LNX1: variants seen among roughly 807,000 people sequenced by gnomAD.
The protein encoded by LNX1 is ligand of numb-protein X 1.
LNX1 carries 54 observed loss-of-function variants against 68.4 expected under a neutral mutation model. The ratio of observed to expected loss-of-function variants is 0.79; its 90% CI spans 0.63 to 0.99. The LOEUF (loss-of-function observed/expected upper bound fraction) is 0.99. Among genes scored for constraint, LNX1 ranks in the 50% least tolerant of loss-of-function variants. LNX1 has a pLI of 0.00. For missense variants in LNX1, 906 were observed against 926.4 expected (o/e 0.98, Z 0.29); for synonymous variants, 336 against 350.0 (o/e 0.96, Z 0.45).
chr4:53,541,256 C>A (rs1364821832), intron 2 of LNX1, among the ~76,000 whole-genome samples: 3 of 152,094 alleles, frequency 2.0e-5, no homozygotes, highest in East Asian at 3.9e-4. Context: ...AGTTAGGATA[C>A]CATTAGCAAC....
intron 9 of LNX1, among the ~76,000 whole-genome samples, chr4:53,461,994 A>G (rs1722171786): frequency 6.6e-6 from 1 of 152,070 alleles, no homozygotes; most frequent in Non-Finnish European, 1.5e-5. Context: ...AATGAGGGCA[A>G]AAATCCTTTG....
intron 2 of LNX1, among the ~76,000 whole-genome samples, chr4:53,608,602 C>G (rs1363502752): frequency 1.3e-5 from 2 of 152,098 alleles, no homozygotes; most frequent in African/African-American, 4.8e-5. Context: ...CCCAACAATC[C>G]CATTTTTGGG....
upstream of LNX1, among the ~76,000 whole-genome samples, chr4:53,596,375 C>T (rs954762038): frequency 3.3e-5 from 5 of 152,128 alleles, no homozygotes; most frequent in African/African-American, 1.2e-4. Flanking sequence ...GGGAAATTAG[C>T]ATTAAATCAA....
intron 1 of LNX1, among the ~76,000 whole-genome samples, chr4:53,642,129 G>C (rs1734709660): frequency 6.6e-6 from 1 of 151,518 alleles, no homozygotes; most frequent in Admixed American, 6.6e-5. Flanking sequence ...GGCTAAGATG[G>C]GAGGATTGCT....
chr4:53,609,366 G>C, intron 2 of LNX1, among the ~76,000 whole-genome samples: 1 of 151,134 alleles, frequency 6.6e-6, no homozygotes, highest in Non-Finnish European at 1.5e-5. Context: ...TAATTAAAAA[G>C]AAAATAGTAC....
intron 2 of LNX1, among the ~76,000 whole-genome samples, chr4:53,570,386 C>T (rs371644657): frequency 6.8e-6 from 1 of 147,956 alleles, no homozygotes; most frequent in African/African-American, 2.5e-5. Flanking sequence ...AAATTGGAAA[C>T]CATCATTCTC....
At chr4:53,564,526 C>G (rs1730509685) in intron 2 of LNX1, among the ~76,000 whole-genome samples, 1 of 152,176 alleles carries the variant, frequency 6.6e-6, no homozygotes, top group Admixed American at 6.5e-5. Context: ...CTGGGGTGGG[C>G]AGAATAATTA....
chr4:53,543,779 G>A (rs1162514391), intron 2 of LNX1, among the ~76,000 whole-genome samples: 1 of 152,074 alleles, frequency 6.6e-6, no homozygotes, highest in East Asian at 1.9e-4. Context: ...ATTCAACCCT[G>A]TCAACCATGC....
chr4:53,573,449 A>G (rs1399125615), intron 2 of LNX1, among the ~76,000 whole-genome samples, 174 bp downstream of exon 2: 1 of 152,210 alleles, frequency 6.6e-6, no homozygotes, highest in Non-Finnish European at 1.5e-5. Flanking sequence ...CATACAACAC[A>G]ACTCCACCAA....
intron 2 of LNX1, among the ~76,000 whole-genome samples, chr4:53,536,577 C>G (rs1728388118): frequency 6.6e-6 from 1 of 152,150 alleles, no homozygotes; most frequent in Non-Finnish European, 1.5e-5. Flanking sequence ...AGCTCTGGAC[C>G]AGATCTCAGG....
At chr4:53,559,792 T>C (rs1357755032) in intron 2 of LNX1, among the ~76,000 whole-genome samples, 1 of 149,274 alleles carries the variant, frequency 6.7e-6, no homozygotes, top group Non-Finnish European at 1.5e-5. Context: ...GGACTACAGG[T>C]GCGTGCCGCC....
At chr4:53,524,510 A>G (rs1177846421) in intron 2 of LNX1, among the ~76,000 whole-genome samples, 1 of 152,250 alleles carries the variant, frequency 6.6e-6, no homozygotes. Context: ...TCACGCAGCA[A>G]GAAGGCCCAG....
At chr4:53,649,412 A>G (rs1000584154) in intron 1 of LNX1, among the ~76,000 whole-genome samples, 5 of 152,226 alleles carry the variant, frequency 3.3e-5, no homozygotes, top group Non-Finnish European at 7.3e-5. Context: ...CTTGCAGAAG[A>G]TTCAACAGCT....
At chr4:53,540,366 G>A (rs187838593) in intron 2 of LNX1, among the ~76,000 whole-genome samples, 1 of 148,192 alleles carries the variant, frequency 6.7e-6, no homozygotes, top group African/African-American at 2.5e-5. Flanking sequence ...CTGAGTGAGA[G>A]TGAGACCCTG....
chr4:53,624,659 C>T (rs976465556), intron 1 of LNX1, among the ~76,000 whole-genome samples: 4 of 152,190 alleles, frequency 2.6e-5, no homozygotes, highest in African/African-American at 9.6e-5. Flanking sequence ...AAATTATGCT[C>T]TCCTAGGGTT....
At chr4:53,580,536 GT>G (rs1731767406) in intron 1 of LNX1, among the ~76,000 whole-genome samples, 1 of 152,198 alleles carries the variant, frequency 6.6e-6, no homozygotes, top group African/African-American at 2.4e-5. Context: ...TGTTACTGGA[GT>G]GGGTAGAGGA....
Position 53,478,724 on chromosome 4 carries a change from T to G in LNX1, c.1504A>C (p.Thr502Pro). The stretch of plus-strand genomic sequence containing the variant: ...ATATTTACCACCTTCTCATGACAAG[T>G]AATTGTAGGATGGAGGGGCTGAAGG... Reference protein sequence around the residue: ...NTPKPLHPTITCHEKVVNIQK... With the variant: ...NTPKPLHPTIPCHEKVVNIQK... The change falls in exon 8 of 11, where the codon ACT (threonine) becomes CCT (proline). Residue 502 changes from threonine (T) to proline (P), a missense_variant. Coordinates refer to ENST00000263925, the MANE Select transcript of LNX1 (RefSeq NM_001126328.3). 3 of 1,613,874 alleles carry G rather than the reference T, an allele frequency of 1.9e-6. No individual in the cohort carries two copies. Among genetic ancestry groups the G allele is most frequent in the Non-Finnish European group, 2.5e-6 (3 of 1,179,860 alleles).
At chr4:53,477,779 C>T (rs1313295481) in intron 8 of LNX1, among the ~76,000 whole-genome samples, 1 of 152,038 alleles carries the variant, frequency 6.6e-6, no homozygotes, top group Non-Finnish European at 1.5e-5. Context: ...AGCAAAAAGA[C>T]AGGAGGAGAA....
rs115122786 is a variant in LNX1 at position 53,507,800 on chromosome 4, G to A, written c.622+186C>T. 3.4e-3 allele frequency among the ~76,000 whole-genome samples: 517 copies of A among 152,266 alleles called. 1 individual carries two copies. The highest frequency in any genetic ancestry group is 7.1e-3 in the Admixed American group (108 of 15,290). ...CTTTCACCAAGTCAGATTACACACAGTTTTAATGATTGGAGGTACTTGCGG... is the reference window on the plus strand; with the variant it reads ...CTTTCACCAAGTCAGATTACACACAATTTTAATGATTGGAGGTACTTGCGG... On this transcript the variant is annotated intron_variant, in intron 3 of 10. Coordinates refer to ENST00000263925, the MANE Select transcript of LNX1 (RefSeq NM_001126328.3).
Sources: gnomAD v4.1 joint callset for allele counts (sites outside exome capture counted in the v4.1 genomes callset) on GRCh38, gnomAD v4.1.1 for gene constraint, MANE v1.5 for transcripts, NCBI Gene and HGNC (gene_info 2026-07-23, HGNC 2026-07-21) for gene names.